CAST: variants seen among roughly 807,000 people sequenced by gnomAD.
The protein encoded by CAST is calpastatin.
Under a neutral mutation model 119.6 loss-of-function variants are expected in CAST, and 76 were observed. That is an observed-to-expected ratio of 0.64 (90% CI 0.53 to 0.77). The LOEUF (loss-of-function observed/expected upper bound fraction) is 0.77, where lower values mean the gene tolerates loss of function less well. Among genes scored for constraint, CAST ranks in the 30% least tolerant of loss-of-function variants. CAST has a pLI of 0.00. For synonymous variants in CAST, 319 were observed against 331.6 expected, an observed-to-expected ratio of 0.96 and a Z score of 0.41; for missense variants, 953 against 946.5, an observed-to-expected ratio of 1.01 and a Z score of -0.09.
At chr5:96,425,042 AAGAAAGAAAGAAAGAAAGAAAG>A in the CAST span, among the ~76,000 whole-genome samples, 1 of 140,488 alleles carries the variant, frequency 7.1e-6, no homozygotes, top group Non-Finnish European at 1.5e-5. Context: ...GAAAGAAAGA[AAGAAAGAAAGAAAGAAAGAAAG>A]AAAGAAAGAA....
At chr5:96,681,441 C>T (rs1283368299) in intron 2 of CAST, among the ~76,000 whole-genome samples, 1 of 152,020 alleles carries the variant, frequency 6.6e-6, no homozygotes, top group Non-Finnish European at 1.5e-5. Flanking sequence ...TTTAAAAATA[C>T]TACCAGGATG....
At position 96,548,673 on chromosome 5, in the gene CAST, C is replaced by T. The variant is rs930744744; in HGVS notation, c.60+18793C>T. ...ACTCTGCCTACAAAGGGGGAACAAC[C>T]CTAGAATTTTCAAGGATGCTGGTAC... On this transcript the variant is annotated intron_variant, in intron 1 of 11. Transcript: ENST00000505143. Among the ~76,000 whole-genome samples, 3 of 152,194 alleles carry T rather than the reference C, an allele frequency of 2.0e-5. No homozygotes were observed. The South Asian group carries it at 6.2e-4, about 32-fold the overall frequency.
At chr5:96,225,882 C>T in the CAST span, among the ~76,000 whole-genome samples, 2 of 151,932 alleles carry the variant, frequency 1.3e-5, no homozygotes, top group African/African-American at 4.8e-5. Context: ...TAATTCTTGC[C>T]CCCCGCCTCA....
the CAST span, among the ~76,000 whole-genome samples, chr5:96,409,951 C>A: frequency 6.6e-6 from 1 of 152,150 alleles, no homozygotes; most frequent in Non-Finnish European, 1.5e-5. Context: ...TGCACGCATT[C>A]CAAGGTCATT....
chr5:96,597,631 T>C (rs1352354947), intron 1 of CAST, among the ~76,000 whole-genome samples: 1 of 152,224 alleles, frequency 6.6e-6, no homozygotes, highest in Non-Finnish European at 1.5e-5. Flanking sequence ...CCTCTCATCC[T>C]ACCCGTGATG....
chr5:96,766,371 C>A (rs2150733383), intron 27 of CAST, among the ~76,000 whole-genome samples: 1 of 152,254 alleles, frequency 6.6e-6, no homozygotes, highest in East Asian at 1.9e-4. Flanking sequence ...GGGTTGAATA[C>A]TGTTCAGTCA....
the CAST span, among the ~76,000 whole-genome samples, chr5:96,117,402 G>A: frequency 2.0e-5 from 3 of 152,260 alleles, no homozygotes; most frequent in Non-Finnish European, 1.5e-5. Flanking sequence ...AACCATGTCC[G>A]TGTAGAAACT....
At chr5:96,459,923 G>T in the CAST span, among the ~76,000 whole-genome samples, 4 of 152,074 alleles carry the variant, frequency 2.6e-5, no homozygotes, top group Admixed American at 6.6e-5. Context: ...GCAGAATAAG[G>T]CTCCATCTTC....
At chr5:96,390,868 A>T in the CAST span, 1 of 152,628 alleles carries the variant, frequency 6.6e-6, no homozygotes, top group African/African-American at 2.4e-5. Context: ...TTAAATATTA[A>T]AGCTTCTTGA....
At chr5:96,585,739 A>T (rs1455552749) in intron 1 of CAST, among the ~76,000 whole-genome samples, 1 of 152,212 alleles carries the variant, frequency 6.6e-6, no homozygotes, top group Admixed American at 6.5e-5. Context: ...CAGAAACCAT[A>T]TAAAAACAAA....
the CAST span, among the ~76,000 whole-genome samples, chr5:96,014,919 G>A: frequency 2.0e-5 from 3 of 152,096 alleles, no homozygotes; most frequent in Non-Finnish European, 2.9e-5. Flanking sequence ...CCAGGAGGAC[G>A]TTAAATGATC....
the CAST span, among the ~76,000 whole-genome samples, chr5:96,309,327 CA>C: frequency 2.6e-5 from 4 of 152,252 alleles, no homozygotes; most frequent in African/African-American, 4.8e-5. Flanking sequence ...TGGCCCAGTT[CA>C]AGCTCAGACT....
the CAST span, among the ~76,000 whole-genome samples, chr5:96,383,972 T>C: frequency 0.28 from 41,851 of 151,658 alleles, 5,781 homozygotes; most frequent in South Asian, 0.32. Context: ...GGGAGATGAG[T>C]AGGAGGCCGA....
chr5:96,427,340 G>A, the CAST span, among the ~76,000 whole-genome samples: 12 of 152,274 alleles, frequency 7.9e-5, no homozygotes, highest in Non-Finnish European at 1.3e-4. Context: ...AGAAGAGCAG[G>A]CTGAATGGTA....
At chr5:96,357,546 GT>G in the CAST span, among the ~76,000 whole-genome samples, 8 of 152,184 alleles carry the variant, frequency 5.3e-5, no homozygotes, top group Non-Finnish European at 1.0e-4. Flanking sequence ...ATGAAAGGCT[GT>G]TGAATTTTGT....
chr5:96,078,391 G>A, the CAST span, among the ~76,000 whole-genome samples: 1 of 146,968 alleles, frequency 6.8e-6, no homozygotes, highest in Non-Finnish European at 1.5e-5. Flanking sequence ...ATGAACATCT[G>A]ATCAAGCTTT....
intron 1 of CAST, among the ~76,000 whole-genome samples, chr5:96,565,609 G>A (rs1746452179): frequency 6.6e-6 from 1 of 152,170 alleles, no homozygotes; most frequent in Admixed American, 6.5e-5. Context: ...AAATGAAGTG[G>A]TACTGGGTCC....
intron 1 of CAST, among the ~76,000 whole-genome samples, chr5:96,554,434 C>T (rs1004895550): frequency 7.9e-5 from 12 of 152,128 alleles, no homozygotes; most frequent in Middle Eastern, 3.2e-3. Context: ...AACTGTAAGA[C>T]GTAGGACCAT....
At chr5:96,656,829 A>G (rs1261886422) in intron 1 of CAST, among the ~76,000 whole-genome samples, 1 of 152,132 alleles carries the variant, frequency 6.6e-6, no homozygotes, top group Non-Finnish European at 1.5e-5. Flanking sequence ...GCATGCTCTT[A>G]ACTCTTCTTT....
Sources: gnomAD v4.1 joint callset for allele counts (sites outside exome capture counted in the v4.1 genomes callset) on GRCh38, gnomAD v4.1.1 for gene constraint, MANE v1.5 for transcripts, NCBI Gene and HGNC (gene_info 2026-07-23, HGNC 2026-07-21) for gene names.